The following TTPA variants were observed in gnomAD, a reference collection of about 807,000 sequenced individuals.
TTPA encodes alpha tocopherol transfer protein.
TTPA carries 23 observed loss-of-function variants against 25.9 expected under a neutral mutation model. The observed-to-expected ratio is 0.89, with a 90% confidence interval of 0.64 to 1.26. TTPA has a LOEUF of 1.26. Ranked by LOEUF, TTPA falls within the 50% of genes most tolerant of loss-of-function variation. The probability of loss-of-function intolerance (pLI) is 0.00; values close to 1 mark genes in which losing one functional copy is unlikely to be tolerated. For synonymous variants in TTPA, 148 were observed against 137.3 expected (o/e 1.08, Z -0.54); for missense variants, 337 against 353.1 (o/e 0.95, Z 0.37).
Position 63,085,836 on chromosome 8 carries a change from A to C in TTPA, c.186T>G (p.Asp62Glu), listed in dbSNP as rs1396953779. ...LLRFLRARDF[D>E]LDLAWRLLKN... Reference sequence around the variant, plus strand: ...CGCTTACCCGCCAGGCCAGGTCCAGATCGAAATCCCGGGCGCGCAGGAACC... The same window carrying C: ...CGCTTACCCGCCAGGCCAGGTCCAGCTCGAAATCCCGGGCGCGCAGGAACC... Residue 62 changes from aspartate to glutamate, a missense_variant, in exon 1 of 5, where the codon GAT becomes GAG. Asp to Glu is a conservative substitution (Grantham distance 45). Transcript: ENST00000260116. 3.9e-6 allele frequency: 6 copies of C among 1,536,726 alleles called. No homozygotes were observed. The highest frequency in any genetic ancestry group is 3.6e-5 in the South Asian group (3 of 83,692).
intron 2 of TTPA, among the ~76,000 whole-genome samples, chr8:63,071,525 A>T (rs1288200236): frequency 6.6e-6 from 1 of 152,178 alleles, no homozygotes; most frequent in Non-Finnish European, 1.5e-5. Context: ...TGTGCCGGCC[A>T]TTTTTAATCA....
intron 1 of TTPA, among the ~76,000 whole-genome samples, chr8:63,083,798 T>C (rs1050257085): frequency 2.6e-5 from 4 of 152,004 alleles, no homozygotes; most frequent in African/African-American, 9.7e-5. Flanking sequence ...TATACACAAA[T>C]TGTGTTTGAT....
chr8:63,078,815 C>T (rs1355094308), intron 1 of TTPA, among the ~76,000 whole-genome samples: 1 of 152,138 alleles, frequency 6.6e-6, no homozygotes, highest in Non-Finnish European at 1.5e-5. Flanking sequence ...GGCCAACAAT[C>T]AAATTCAGGA....
intron 2 of TTPA, among the ~76,000 whole-genome samples, chr8:63,071,315 T>C (rs1805479386): frequency 6.6e-6 from 1 of 152,232 alleles, no homozygotes; most frequent in South Asian, 2.1e-4. Flanking sequence ...CTTCTTGCAG[T>C]ATGGCAAGCA....
intron 2 of TTPA, among the ~76,000 whole-genome samples, chr8:63,068,788 C>G (rs1489104181): frequency 6.6e-6 from 1 of 152,116 alleles, no homozygotes; most frequent in East Asian, 1.9e-4. Flanking sequence ...AATGGGATTG[C>G]TATTTTTTAA....
Position 63,085,843 on chromosome 8 carries a change from T to TC in TTPA, c.178dup (p.Asp60GlyfsTer16), listed in dbSNP as rs2129795580. 6.5e-7 allele frequency: 1 copy of TC among 1,536,344 alleles called. No individual in the cohort carries two copies. The highest frequency in any genetic ancestry group is 8.7e-7 in the Non-Finnish European group (1 of 1,145,444). ...CCGCCAGGCCAGGTCCAGATCGAAA[T>TC]CCCGGGCGCGCAGGAACCGCAGCAG... On this transcript the variant is annotated frameshift_variant, in exon 1 of 5. Coordinates refer to ENST00000260116, the MANE Select transcript of TTPA (RefSeq NM_000370.3). LOFTEE classifies it high-confidence loss of function.
At chr8:63,075,010 C>G (rs1000882314) in intron 1 of TTPA, among the ~76,000 whole-genome samples, 1 of 152,220 alleles carries the variant, frequency 6.6e-6, no homozygotes, top group East Asian at 1.9e-4. Context: ...CTATCTCGCA[C>G]AATTTTTGCA....
Position 63,059,793 on chromosome 8 carries a change from TA to T in TTPA, c.*1458del, listed in dbSNP as rs1236677505. ...TTATTTATTTATTTATTTTTATTTT[TA>T]TTTTTTAATTTTTTTTGAGAACACA... On this transcript the variant is annotated 3_prime_UTR_variant, in exon 5 of 5. Transcript: ENST00000260116. The T allele has an allele frequency of 1.3e-5, 2 of 152,092 alleles. No individual in the cohort carries two copies. Among genetic ancestry groups the T allele is most frequent in the Non-Finnish European group, 2.9e-5 (2 of 68,018 alleles). 9.4% of individuals were successfully genotyped at this position (152,092 alleles called of 1,614,324 possible).
intron 1 of TTPA, among the ~76,000 whole-genome samples, chr8:63,079,268 C>T (rs868267889): frequency 2.0e-5 from 3 of 152,154 alleles, no homozygotes; most frequent in Non-Finnish European, 4.4e-5. Context: ...GAAGCAACTG[C>T]ATCAATTAAT....
At chr8:63,085,758 G>T in intron 1 of TTPA, 60 bp downstream of exon 1, 1 of 1,514,906 alleles carries the variant, frequency 6.6e-7, no homozygotes, top group Non-Finnish European at 8.8e-7. Context: ...CGGGGTCGTG[G>T]GGCGGGGGAC....
At chr8:63,059,021 T>TTTTTTTTTTTTG (rs1491332897), downstream of TTPA, among the ~76,000 whole-genome samples, 1 of 26,526 alleles carries the variant, frequency 3.8e-5, no homozygotes, top group African/African-American at 1.6e-4. Flanking sequence ...CAGGGTCCAG[T>TTTTTTTTTTTTG]TTTTTTTTTT....
intron 2 of TTPA, among the ~76,000 whole-genome samples, chr8:63,069,941 T>C (rs372152905): frequency 6.6e-6 from 1 of 152,202 alleles, no homozygotes; most frequent in Admixed American, 6.5e-5. Flanking sequence ...CTACTTAATA[T>C]GTATTGAGTG....
At chr8:63,059,132 C>A (rs1563677293), downstream of TTPA, among the ~76,000 whole-genome samples, 1 of 140,634 alleles carries the variant, frequency 7.1e-6, no homozygotes, top group Non-Finnish European at 1.5e-5. Flanking sequence ...CCCGGGTTCA[C>A]GCCATTCTCC....
intron 2 of TTPA, among the ~76,000 whole-genome samples, chr8:63,067,043 C>T (rs139058324): frequency 2.6e-5 from 4 of 151,318 alleles, no homozygotes; most frequent in Non-Finnish European, 5.9e-5. Flanking sequence ...TAGCAAGAAC[C>T]GGTCTGTAAA....
rs563201835 is a variant in TTPA at position 63,060,946 on chromosome 8, T to C, written c.*306A>G. ...TTTAAAATATAACTTTCTAGAAACA[T>C]ACAAAGATGCACATGAGCAGCTACT... On this transcript the variant is annotated 3_prime_UTR_variant, in exon 5 of 5. Coordinates refer to ENST00000260116, the MANE Select transcript of TTPA (RefSeq NM_000370.3). 4.0e-6 allele frequency: 1 copy of C among 252,988 alleles called. No individual in the cohort carries two copies. Among genetic ancestry groups the C allele is most frequent in the South Asian group, 5.7e-5 (1 of 17,638 alleles). The allele number at this position is 252,988 out of a possible 1,614,324, so 15.7% of individuals were successfully genotyped here.
chr8:63,064,315 T>A lies in TTPA; in HGVS notation c.554A>T (p.Asp185Val). 1 of 1,604,380 alleles carries A rather than the reference T, an allele frequency of 6.2e-7. No individual in the cohort carries two copies. Among genetic ancestry groups the A allele is most frequent in the Non-Finnish European group, 8.5e-7 (1 of 1,172,322 alleles). ...GCCACGAACTTTCAATGGAAATGAA[T>A]CCTTTTGAAAATAAAAAAATCTTAA... ...VAKKIAAVLT[D>V]SFPLKVRGIH... Residue 185 changes from aspartate (D) to valine (V), a missense_variant and splice_region_variant, in exon 4 of 5, where the codon GAT becomes GTT. Transcript: ENST00000260116.
At position 63,085,878 on chromosome 8, in the gene TTPA, G is replaced by T; in HGVS notation, c.144C>A (p.Thr48=). Residue 48 remains threonine, a synonymous_variant, in exon 1 of 5, where the codon ACC becomes ACA. Transcript: ENST00000260116. ...GCAGGAACCGCAGCAGGAAGGAGTC[G>T]GTGAGCGGCAGCGGCGCGAGCGGGA... ...AGVPLAPLPL[T]DSFLLRFLRA... The T allele has an allele frequency of 6.5e-7, 1 of 1,533,302 alleles. No homozygotes were observed. Among genetic ancestry groups the T allele is most frequent in the Non-Finnish European group, 8.7e-7 (1 of 1,144,710 alleles). 95.0% of individuals were successfully genotyped at this position (1,533,302 alleles called of 1,614,324 possible).
chr8:63,069,206 A>C (rs141786219), intron 2 of TTPA, among the ~76,000 whole-genome samples: 134 of 152,188 alleles, frequency 8.8e-4, no homozygotes, highest in Middle Eastern at 3.4e-3. Flanking sequence ...CAGATTTCTC[A>C]TAAGAATTTG....
downstream of TTPA, among the ~76,000 whole-genome samples, chr8:63,058,418 A>C (rs2129726182): frequency 1.3e-5 from 2 of 152,352 alleles, no homozygotes; most frequent in South Asian, 4.1e-4. Context: ...GTTTATGTGA[A>C]AGATGTTTAT....
Sources: allele counts gnomAD v4.1 joint callset (sites outside exome capture counted in the v4.1 genomes callset), GRCh38; gene constraint gnomAD v4.1.1; transcripts MANE v1.5; gene names NCBI Gene and HGNC (gene_info 2026-07-23, HGNC 2026-07-21).